The following IQSEC1 variants were observed in gnomAD, a reference collection of about 807,000 sequenced individuals.
IQSEC1 encodes the protein IQ motif and Sec7 domain ArfGEF 1.
IQSEC1 carries 31 observed loss-of-function variants against 91.0 expected under a neutral mutation model. That is an observed-to-expected ratio of 0.34 (90% CI 0.26 to 0.46). The LOEUF (loss-of-function observed/expected upper bound fraction) is 0.46, where lower values mean the gene tolerates loss of function less well. Ranked by LOEUF, IQSEC1 falls within the 20% of genes least tolerant of loss-of-function variation. The pLI is 1.00. For synonymous variants in IQSEC1, 699 were observed against 662.6 expected (o/e 1.05, Z -0.84); for missense variants, 1,388 against 1,575.6 (o/e 0.88, Z 2.02).
intron 1 of IQSEC1, among the ~76,000 whole-genome samples, chr3:12,985,245 C>T (rs941199843): frequency 1.3e-5 from 2 of 152,130 alleles, no homozygotes; most frequent in Non-Finnish European, 2.9e-5. Context: ...GGGGGCACAC[C>T]CTCAGCCCTC....
chr3:13,027,039 C>A (rs1703647198), intron 1 of IQSEC1, among the ~76,000 whole-genome samples: 1 of 152,130 alleles, frequency 6.6e-6, no homozygotes, highest in Non-Finnish European at 1.5e-5. Context: ...TGCAGTCTTC[C>A]AATGGTGCCC....
intron 2 of IQSEC1, among the ~76,000 whole-genome samples, chr3:13,080,207 T>C (rs116368084): frequency 3.5e-3 from 538 of 152,042 alleles, no homozygotes; most frequent in African/African-American, 0.011. Flanking sequence ...GGGGAAGGAT[T>C]AGTGGGGAGA....
chr3:12,947,395 C>A (rs1699253760), intron 1 of IQSEC1, among the ~76,000 whole-genome samples: 1 of 152,092 alleles, frequency 6.6e-6, no homozygotes. Context: ...CTGTCTGAGT[C>A]TGCCATCTTT....
chr3:12,933,337 G>A (rs1697868483), intron 3 of IQSEC1, among the ~76,000 whole-genome samples: 1 of 152,216 alleles, frequency 6.6e-6, no homozygotes, highest in Admixed American at 6.5e-5. Flanking sequence ...AGAAGCAACT[G>A]GCCAAATAAC....
chr3:13,198,914 T>C (rs985248878), intron 1 of IQSEC1, among the ~76,000 whole-genome samples: 2 of 152,166 alleles, frequency 1.3e-5, no homozygotes, highest in Admixed American at 1.3e-4. Context: ...TGAGGAGAAA[T>C]GCCCAGGACG....
chr3:13,126,983 A>T (rs1241982801), intron 2 of IQSEC1, among the ~76,000 whole-genome samples: 1 of 152,208 alleles, frequency 6.6e-6, no homozygotes, highest in Non-Finnish European at 1.5e-5. Context: ...ATTTTATATA[A>T]GGTATGAGGT....
At chr3:13,273,317 T>C (rs1695619293) in intron 1 of IQSEC1, among the ~76,000 whole-genome samples, 1 of 152,106 alleles carries the variant, frequency 6.6e-6, no homozygotes, top group South Asian at 2.1e-4. Flanking sequence ...ACATCTCTGC[T>C]TGGGCTGCTC....
intron 2 of IQSEC1, among the ~76,000 whole-genome samples, chr3:13,090,802 G>A (rs1015385445): frequency 6.6e-6 from 1 of 152,206 alleles, no homozygotes; most frequent in Non-Finnish European, 1.5e-5. Flanking sequence ...TATGAGCTCC[G>A]TAGAGATTTT....
chr3:12,908,578 C>T lies in IQSEC1; in HGVS notation c.2579-53G>A. ...TGAGAGGAGCACAGCCTAGAGTGGG[C>T]AGGAGACGGGGCCTTCTGCTTGGAG... On this transcript the variant is annotated intron_variant, in intron 11 of 13. Coordinates refer to ENST00000613206, the MANE Select transcript of IQSEC1 (RefSeq NM_001134382.3). This position sits in a 1 kb window ranked among gnomAD's most constrained non-coding sequence, Gnocchi z 4.9. 1 of 1,590,386 alleles carries T rather than the reference C, an allele frequency of 6.3e-7. No individual in the cohort carries two copies. Among genetic ancestry groups the T allele is most frequent in the South Asian group, 1.1e-5 (1 of 90,334 alleles).
At chr3:13,163,331 C>A (rs1355307766) in intron 2 of IQSEC1, among the ~76,000 whole-genome samples, 2 of 152,190 alleles carry the variant, frequency 1.3e-5, no homozygotes, top group Admixed American at 6.5e-5. Flanking sequence ...CTCAGGCCAC[C>A]ACCCTAAGAC....
intron 1 of IQSEC1, among the ~76,000 whole-genome samples, chr3:12,971,752 A>C (rs1700908490): frequency 6.6e-6 from 1 of 152,110 alleles, no homozygotes; most frequent in African/African-American, 2.4e-5. Flanking sequence ...TTTTTAAACA[A>C]GTGTTTGTTA....
At chr3:12,960,806 G>T (rs1700195725) in intron 1 of IQSEC1, among the ~76,000 whole-genome samples, 1 of 152,190 alleles carries the variant, frequency 6.6e-6, no homozygotes, top group Non-Finnish European at 1.5e-5. Flanking sequence ...ACCAAAAACA[G>T]TTGAGGCTTT....
Position 12,935,330 on chromosome 3 carries a change from A to T in IQSEC1, c.1568+118T>A. On this transcript the variant is annotated intron_variant, in intron 3 of 13. Transcript: ENST00000613206. The surrounding 1 kb of genome is among the most constrained non-coding windows in gnomAD (Gnocchi z 8.0). ...CACCGACCTTGTGTGGCAGCTTCCT[A>T]TGCTCATAGGCCACGGTGGACCTCA... is the stretch of plus-strand genomic sequence containing the variant. 2 of 997,584 alleles carry T rather than the reference A, an allele frequency of 2.0e-6. No homozygotes were observed. Among genetic ancestry groups the T allele is most frequent in the Non-Finnish European group, 3.0e-6 (2 of 677,566 alleles). 61.8% of individuals were successfully genotyped at this position (997,584 alleles called of 1,614,324 possible).
intron 1 of IQSEC1, among the ~76,000 whole-genome samples, chr3:13,203,521 C>A (rs1233890941): frequency 1.3e-5 from 2 of 152,178 alleles, no homozygotes; most frequent in African/African-American, 4.8e-5. Context: ...CTGCCCCAGG[C>A]CCGTGGCAGG....
chr3:13,203,201 G>A (rs544558473), intron 1 of IQSEC1, among the ~76,000 whole-genome samples: 1 of 150,986 alleles, frequency 6.6e-6, no homozygotes, highest in African/African-American at 2.4e-5. Flanking sequence ...ACACTCTTAT[G>A]CTCACACATG....
intron 1 of IQSEC1, among the ~76,000 whole-genome samples, chr3:13,185,629 A>G (rs1693918178): frequency 1.3e-5 from 2 of 152,184 alleles, no homozygotes; most frequent in Admixed American, 1.3e-4. Context: ...GACAAACCCA[A>G]AGATAAAGGC....
chr3:12,920,461 C>T lies in IQSEC1; in HGVS notation c.1989G>A (p.Met663Ile). 6.2e-7 allele frequency: 1 copy of T among 1,614,228 alleles called. No individual in the cohort carries two copies. ...GGTTCTTGATGAAGTCCTCTAGCTT[C>T]ATTTTCCGCTCGGGCTTGACATTGG... ...YSPNVKPERKMKLEDFIKNLR... is the reference protein window; with the variant it reads ...YSPNVKPERKIKLEDFIKNLR... Residue 663 changes from methionine to isoleucine, a missense_variant, in exon 6 of 14, where the codon ATG (methionine) becomes ATA (isoleucine). Met to Ile is a conservative substitution (Grantham distance 10, BLOSUM62 1). Around this residue, in one of 2 missense-constraint regions of IQSEC1, gnomAD observed 1,059 missense variants for 1,317.8 expected, o/e 0.80. Coordinates refer to ENST00000613206, the MANE Select transcript of IQSEC1 (RefSeq NM_001134382.3).
At chr3:13,262,051 C>A (rs1361447756) in intron 1 of IQSEC1, among the ~76,000 whole-genome samples, 2 of 152,220 alleles carry the variant, frequency 1.3e-5, no homozygotes, top group Non-Finnish European at 2.9e-5. Context: ...CAGGAACAAG[C>A]ACCTTTTCCT....
At chr3:13,162,671 C>A (rs1383225998) in intron 2 of IQSEC1, among the ~76,000 whole-genome samples, 1 of 152,156 alleles carries the variant, frequency 6.6e-6, no homozygotes, top group African/African-American at 2.4e-5. Context: ...CTTTCTTACC[C>A]AAAGTAGTGT....
Sources: gnomAD v4.1 joint callset for allele counts (sites outside exome capture counted in the v4.1 genomes callset) on GRCh38, gnomAD v4.1.1 for gene constraint, gnomAD v4.1.1 regional missense constraint, Gnocchi (gnomAD v3.1) non-coding constraint, MANE v1.5 for transcripts, NCBI Gene and HGNC (gene_info 2026-07-23, HGNC 2026-07-21) for gene names.